The following CELF1 variants were observed in gnomAD, a reference collection of about 807,000 sequenced individuals.
CELF1 encodes CUGBP Elav-like family member 1, also known as 50 kDa nuclear polyadenylated RNA-binding protein.
In CELF1, 10 loss-of-function variants were observed where a neutral mutation model predicts 61.8. The observed-to-expected ratio is 0.16, with a 90% CI of 0.10 to 0.27. The LOEUF is 0.27. Ranked by LOEUF, CELF1 falls within the 10% of genes least tolerant of loss-of-function variation. The pLI, the probability that CELF1 is intolerant of heterozygous loss-of-function variation, is 1.00. For missense variants in CELF1, 380 were observed against 639.1 expected, an observed-to-expected ratio of 0.59 and a Z score of 4.37; for synonymous variants, 236 against 225.1, an observed-to-expected ratio of 1.05 and a Z score of -0.43.
chr11:47,468,162 G>C lies in CELF1; in HGVS notation c.*4068C>G, dbSNP rs2076985708. 1 of 152,146 alleles carries C rather than the reference G, an allele frequency of 6.6e-6. No individual in the cohort carries two copies. Among genetic ancestry groups the C allele is most frequent in the Admixed American group, 6.5e-5 (1 of 15,268 alleles). The allele number at this position is 152,146 out of a possible 1,614,324, so 9.4% of individuals were successfully genotyped here. ...GAACAAGCATGGGGCTGAGGGGAAG[G>C]GGCAGGCGGGATATCCAGGACTCCC... is the stretch of plus-strand genomic sequence containing the variant. On this transcript the variant is annotated 3_prime_UTR_variant, in exon 15 of 15. Transcript: ENST00000687097.
At chr11:47,528,802 A>C (rs1331775274) in intron 1 of CELF1, among the ~76,000 whole-genome samples, 1 of 149,616 alleles carries the variant, frequency 6.7e-6, no homozygotes, top group Non-Finnish European at 1.5e-5. Context: ...AGGCAGGAGG[A>C]TCATTTTGAT....
chr11:47,468,037 T>C lies in CELF1; in HGVS notation c.*4193A>G, dbSNP rs1244457600. ...AACTTTTTTCTGGGCATAATCTTAG[T>C]AGGAAAGGAAAAAATTCAAAACAAA... On this transcript the variant is annotated 3_prime_UTR_variant, in exon 15 of 15. Coordinates refer to ENST00000687097, the MANE Select transcript of CELF1 (RefSeq NM_001376376.1). 1 of 151,954 alleles carries C rather than the reference T, an allele frequency of 6.6e-6. No homozygotes were observed. The highest frequency in any genetic ancestry group is 1.5e-5 in the Non-Finnish European group (1 of 67,962). The allele number at this position is 151,954 out of a possible 1,614,324, so 9.4% of individuals were successfully genotyped here.
intron 1 of CELF1, among the ~76,000 whole-genome samples, chr11:47,517,345 A>T (rs2095614608): frequency 6.6e-6 from 1 of 151,966 alleles, no homozygotes; most frequent in Admixed American, 6.6e-5. Context: ...CTTGTATCTG[A>T]TGTATACAAA....
At chr11:47,490,162 C>G (rs2090672448) in intron 3 of CELF1, among the ~76,000 whole-genome samples, 1 of 151,568 alleles carries the variant, frequency 6.6e-6, no homozygotes, top group Non-Finnish European at 1.5e-5. Flanking sequence ...TAGTCTCGAA[C>G]TGACCTCAGG....
intron 1 of CELF1, among the ~76,000 whole-genome samples, chr11:47,522,891 T>C (rs898630733): frequency 2.1e-5 from 3 of 145,828 alleles, no homozygotes; most frequent in African/African-American, 5.1e-5. Context: ...AAAAAAAAAA[T>C]TGGGTACCTG....
chr11:47,489,080 ATTTTC>A (rs1409218088), intron 3 of CELF1, 56 bp from the exon 4 acceptor site: 10 of 1,378,938 alleles, frequency 7.3e-6, no homozygotes, highest in African/African-American at 3.0e-5. Context: ...TCCAGAGGAA[ATTTTC>A]TTTTCTTTAA....
At chr11:47,515,653 C>T (rs183775731) in intron 1 of CELF1, among the ~76,000 whole-genome samples, 31 of 152,276 alleles carry the variant, frequency 2.0e-4, no homozygotes, top group African/African-American at 6.3e-4. Flanking sequence ...ATGTCTCTTG[C>T]GGAGTCATTA....
upstream of CELF1, among the ~76,000 whole-genome samples, chr11:47,554,652 T>C (rs2097198719): frequency 6.7e-6 from 1 of 149,568 alleles, no homozygotes; most frequent in Non-Finnish European, 1.5e-5. Flanking sequence ...CATTTATCAT[T>C]ATCTAACACA....
At chr11:47,528,568 A>C (rs1026292103) in intron 1 of CELF1, among the ~76,000 whole-genome samples, 1 of 152,112 alleles carries the variant, frequency 6.6e-6, no homozygotes, top group Non-Finnish European at 1.5e-5. Context: ...GCAGTGAGCT[A>C]TGATTGTGCC....
upstream of CELF1, chr11:47,557,463 C>T (rs1414887266): frequency 7.1e-6 from 1 of 139,918 alleles, no homozygotes; most frequent in Non-Finnish European, 1.5e-5. Context: ...ATGATCCACC[C>T]GCCTTGGCCT....
chr11:47,563,046 A>G (rs1279115380), intron 2 of CELF1, among the ~76,000 whole-genome samples: 2 of 151,886 alleles, frequency 1.3e-5, no homozygotes, highest in Non-Finnish European at 2.9e-5. Flanking sequence ...GTGAGACCCC[A>G]TCGCTACAAA....
chr11:47,466,244 G>A lies in CELF1; in HGVS notation c.*5986C>T, dbSNP rs2076663808. 6.6e-6 allele frequency: 1 copy of A among 151,998 alleles called. No individual in the cohort carries two copies. Among genetic ancestry groups the A allele is most frequent in the African/African-American group, 2.4e-5 (1 of 41,364 alleles). 9.4% of individuals were successfully genotyped at this position (151,998 alleles called of 1,614,324 possible). A position where few individuals can be genotyped will look rare whatever the true frequency, so the allele number is the denominator to read the frequency against. Reference sequence around the variant, plus strand: ...AAAGTAAAATCCATAATTTTCTACAGAGTACAACACAAGTTCACACAAAAA... The same window carrying A: ...AAAGTAAAATCCATAATTTTCTACAAAGTACAACACAAGTTCACACAAAAA... On this transcript the variant is annotated 3_prime_UTR_variant, in exon 15 of 15. Coordinates refer to ENST00000687097, the MANE Select transcript of CELF1 (RefSeq NM_001376376.1).
In CELF1 at chr11:47,472,373, G is replaced by A; in HGVS notation, c.1418-16C>T. On this transcript the variant is annotated splice_polypyrimidine_tract_variant and intron_variant, in intron 14 of 14. Coordinates refer to ENST00000687097, the MANE Select transcript of CELF1 (RefSeq NM_001376376.1). ...CTTACAAAACCTGTGTGTCCAAGCA[G>A]AAACCTAGGTGAGGGACATAATGAG... 1 of 1,612,426 alleles carries A rather than the reference G, an allele frequency of 6.2e-7. No individual in the cohort carries two copies. The highest frequency in any genetic ancestry group is 2.2e-5 in the East Asian group (1 of 44,828).
chr11:47,525,940 C>A (rs113485637), intron 1 of CELF1, among the ~76,000 whole-genome samples: 8 of 146,328 alleles, frequency 5.5e-5, no homozygotes, highest in African/African-American at 7.5e-5. Flanking sequence ...AAAAAACAAA[C>A]AAAAAAAAAA....
intron 1 of CELF1, among the ~76,000 whole-genome samples, chr11:47,533,096 T>C (rs1162264837): frequency 6.6e-6 from 1 of 152,148 alleles, no homozygotes; most frequent in East Asian, 1.9e-4. Context: ...CACAGTATTT[T>C]TTTTTTTTGA....
intron 1 of CELF1, among the ~76,000 whole-genome samples, chr11:47,517,260 G>GAAAAAAA (rs57071560): frequency 2.6e-5 from 2 of 76,996 alleles, no homozygotes; most frequent in African/African-American, 7.7e-5. Flanking sequence ...AACAAACAGA[G>GAAAAAAA]AAAAAAAAAA....
At chr11:47,480,467 C>T (rs2082381318) in intron 9 of CELF1, among the ~76,000 whole-genome samples, 1 of 152,128 alleles carries the variant, frequency 6.6e-6, no homozygotes, top group South Asian at 2.1e-4. Context: ...CCTTCATTTC[C>T]CTCCAAATGA....
chr11:47,485,644 C>T (rs958814783), intron 6 of CELF1, among the ~76,000 whole-genome samples: 5 of 150,840 alleles, frequency 3.3e-5, no homozygotes, highest in African/African-American at 7.3e-5. Flanking sequence ...TGCAGTGGCA[C>T]GATCTCAGCA....
chr11:47,512,205 T>G (rs1390996778), intron 1 of CELF1, among the ~76,000 whole-genome samples: 1 of 151,956 alleles, frequency 6.6e-6, no homozygotes, highest in Admixed American at 6.6e-5. Context: ...CAGGCTGGAG[T>G]GCGGTGGCAT....
Sources: gnomAD v4.1 joint callset for allele counts (sites outside exome capture counted in the v4.1 genomes callset) on GRCh38, gnomAD v4.1.1 for gene constraint, MANE v1.5 for transcripts, NCBI Gene and HGNC (gene_info 2026-07-23, HGNC 2026-07-21) for gene names.